Variants in BBC3 observed in about 807,000 individuals in gnomAD.
The protein encoded by BBC3 is bcl-2-binding component 3.
Under a neutral mutation model 18.2 loss-of-function variants are expected in BBC3, and 5 were observed. The ratio of observed to expected loss-of-function variants is 0.27; its 90% CI spans 0.14 to 0.58. The LOEUF (loss-of-function observed/expected upper bound fraction) is 0.58, where lower values mean the gene tolerates loss of function less well. Among genes scored for constraint, BBC3 ranks in the 20% least tolerant of loss-of-function variants. The pLI, the probability that BBC3 is intolerant of heterozygous loss-of-function variation, is 0.91. For synonymous variants in BBC3, 119 were observed against 128.0 expected, an observed-to-expected ratio of 0.93 and a Z score of 0.47; for missense variants, 224 against 268.9, an observed-to-expected ratio of 0.83 and a Z score of 1.17.
At chr19:47,225,206 C>T (rs2058799121) in intron 3 of BBC3, among the ~76,000 whole-genome samples, 1 of 151,410 alleles carries the variant, frequency 6.6e-6, no homozygotes, top group South Asian at 2.1e-4. Flanking sequence ...CCACCACGCC[C>T]GGCCTTAATT....
chr19:47,226,909 A>G, intron 2 of BBC3, 155 bp from the exon 3 acceptor site: 1 of 664,006 alleles, frequency 1.5e-6, no homozygotes. Flanking sequence ...CTCCACAGGC[A>G]CCAGAAAGCA....
intron 3 of BBC3, among the ~76,000 whole-genome samples, chr19:47,223,187 C>T (rs1325820832): frequency 2.6e-5 from 4 of 151,826 alleles, no homozygotes; most frequent in South Asian, 4.1e-4. Context: ...AGGAGAATGG[C>T]GTGAACCCGG....
Position 47,228,584 on chromosome 19 carries a change from G to C in BBC3, c.-15-138C>G, listed in dbSNP as rs971957140. ...GCGGAGGGGGTGACGGCCCCACAGA[G>C]ACACGCCCAGCCGGGGGATGACACC... On this transcript the variant is annotated intron_variant, in intron 1 of 3. Coordinates refer to ENST00000439096, the MANE Select transcript of BBC3 (RefSeq NM_014417.5). The surrounding 1 kb of genome is among the most constrained non-coding windows in gnomAD (Gnocchi z 5.5). The C allele has an allele frequency of 9.0e-6, 8 of 887,386 alleles. No homozygotes were observed. Among genetic ancestry groups the C allele is most frequent in the Non-Finnish European group, 1.0e-5 (7 of 675,866 alleles). The allele number at this position is 887,386 out of a possible 1,614,324, so 55.0% of individuals were successfully genotyped here.
chr19:47,226,613 G>T lies in BBC3; in HGVS notation c.416C>A (p.Ala139Asp). 6.3e-7 allele frequency: 1 copy of T among 1,578,850 alleles called. No homozygotes were observed. Among genetic ancestry groups the T allele is most frequent in the South Asian group, 1.1e-5 (1 of 87,162 alleles). Residue 139 changes from alanine (A) to aspartate (D), a missense_variant, in exon 3 of 4, where the codon GCC (alanine) becomes GAC (aspartate). Ala to Asp is a moderately radical substitution (Grantham distance 126). Transcript: ENST00000439096. Reference sequence around the variant, plus strand: ...GTCGTCCGCCATCCGCCGCAGCTGGGCCCCGATCTCCCGGGCCCACTGTTC... The same window carrying T: ...GTCGTCCGCCATCCGCCGCAGCTGGTCCCCGATCTCCCGGGCCCACTGTTC... ...EEEQWAREIG[A>D]QLRRMADDLN...
At chr19:47,223,211 C>T (rs569443878) in intron 3 of BBC3, among the ~76,000 whole-genome samples, 11 of 151,520 alleles carry the variant, frequency 7.3e-5, no homozygotes, top group African/African-American at 2.4e-4. Context: ...GTGGAGCTTG[C>T]AGTGAGCCGA....
chr19:47,221,618 G>T lies in BBC3; in HGVS notation c.*184C>A, dbSNP rs897165992. 1.6e-6 allele frequency: 2 copies of T among 1,277,752 alleles called. No homozygotes were observed. The highest frequency in any genetic ancestry group is 1.4e-5 in the South Asian group (1 of 71,658). 79.2% of individuals were successfully genotyped at this position (1,277,752 alleles called of 1,614,324 possible). A position where few individuals can be genotyped will look rare whatever the true frequency, so the allele number is the denominator to read the frequency against. On this transcript the variant is annotated 3_prime_UTR_variant, in exon 4 of 4. Transcript: ENST00000439096. The stretch of plus-strand genomic sequence containing the variant: ...CAGGGACCCAGGAGTCCGCATCTCC[G>T]TCAGTGCACCCCAGGCTGGGCTGGG...
chr19:47,224,504 T>C (rs1208964619), intron 3 of BBC3, among the ~76,000 whole-genome samples: 1 of 151,836 alleles, frequency 6.6e-6, no homozygotes, highest in African/African-American at 2.4e-5. Context: ...GATCTGCCTG[T>C]GGTCCCAGCT....
rs1261106208 is a variant in BBC3, at chr19:47,221,577, C to T, written c.*225G>A. On this transcript the variant is annotated 3_prime_UTR_variant, in exon 4 of 4. Coordinates refer to ENST00000439096, the MANE Select transcript of BBC3 (RefSeq NM_014417.5). ...GATGCTGAGTCCATCAGCCGTCCCT[C>T]TCCTGGCTTCTTGGCCAGGGACCCA... 2.3e-5 allele frequency: 21 copies of T among 927,162 alleles called. No homozygotes were observed. Among genetic ancestry groups the T allele is most frequent in the Admixed American group, 1.2e-4 (4 of 32,682 alleles). The allele number at this position is 927,162 out of a possible 1,614,324, so 57.4% of individuals were successfully genotyped here.
Position 47,228,818 on chromosome 19 carries a change from A to G in BBC3, c.-15-372T>C, listed in dbSNP as rs1367027056. On this transcript the variant is annotated intron_variant, in intron 1 of 3. Transcript: ENST00000439096. This position sits in a 1 kb window ranked among gnomAD's most constrained non-coding sequence, Gnocchi z 5.5. ...CTCACAGCATGGGCTGGTGGGGACA[A>G]CTTTCCCAACACAGCGACGGGCACA... 6.6e-6 allele frequency among the ~76,000 whole-genome samples: 1 copy of G among 151,888 alleles called. No individual in the cohort carries two copies. Among genetic ancestry groups the G allele is most frequent in the Non-Finnish European group, 1.5e-5 (1 of 67,950 alleles).
At chr19:47,222,117 G>A (rs1431981752) in intron 3 of BBC3, 199 bp from the exon 4 acceptor site, 8 of 535,786 alleles carry the variant, frequency 1.5e-5, no homozygotes, top group East Asian at 3.2e-5. Context: ...GGACAAACAC[G>A]GAATGCCTTC....
At chr19:47,223,165 G>A (rs1352034358) in intron 3 of BBC3, among the ~76,000 whole-genome samples, 2 of 151,936 alleles carry the variant, frequency 1.3e-5, no homozygotes, top group African/African-American at 4.8e-5. Flanking sequence ...CAGCTACTCC[G>A]GAGGCTGAGG....
upstream of BBC3, among the ~76,000 whole-genome samples, chr19:47,231,749 A>C (rs2058917746): frequency 6.6e-6 from 1 of 152,108 alleles, no homozygotes; most frequent in Non-Finnish European, 1.5e-5. The surrounding 1 kb of genome is among the most constrained non-coding windows in gnomAD (Gnocchi z 4.0). Flanking sequence ...AGACGGACAC[A>C]ATGACAGGGC....
rs1427895911 is a variant in BBC3 at position 47,221,877 on chromosome 19, C to T, written c.507G>A (p.Arg169=). The change falls in exon 4 of 4, where the codon AGG becomes AGA. Residue 169 remains arginine, a synonymous_variant. Coordinates refer to ENST00000439096, the MANE Select transcript of BBC3 (RefSeq NM_014417.5). The part of the protein sequence containing the change: ...EQQRHRPSPW[R]VLYNLIMGLL... ...GTCCCATGATGAGATTGTACAGGAC[C>T]CTCCAGGGTGAGGGGCGGTGCCGCT... The T allele has an allele frequency of 2.5e-6, 4 of 1,611,562 alleles. No individual in the cohort carries two copies. The highest frequency in any genetic ancestry group is 2.7e-5 in the African/African-American group (2 of 74,764).
In BBC3 at chr19:47,226,556, G is replaced by C. The variant is rs753260195; in HGVS notation, c.465+8C>G. On this transcript the variant is annotated splice_region_variant and intron_variant, in intron 3 of 3. Transcript: ENST00000439096. Reference sequence around the variant, plus strand: ...CCACCTGCCGTCTACCCCACCCCCAGCACTCACCCGCCGCTCGTACTGTGC... The same window carrying C: ...CCACCTGCCGTCTACCCCACCCCCACCACTCACCCGCCGCTCGTACTGTGC... The C allele has an allele frequency of 1.3e-6, 2 of 1,544,266 alleles. No individual in the cohort carries two copies. Among genetic ancestry groups the C allele is most frequent in the East Asian group, 2.6e-5 (1 of 37,968 alleles).
chr19:47,231,366 C>T (rs1377663331), upstream of BBC3, among the ~76,000 whole-genome samples: 1 of 151,972 alleles, frequency 6.6e-6, no homozygotes, highest in Non-Finnish European at 1.5e-5. This position sits in a 1 kb window ranked among gnomAD's most constrained non-coding sequence, Gnocchi z 4.0. Context: ...CCCCTACCTC[C>T]GCGCCGGGGG....
chr19:47,231,347 C>T, upstream of BBC3: 1 of 346,274 alleles, frequency 2.9e-6, no homozygotes, highest in Non-Finnish European at 4.1e-6. The surrounding 1 kb of genome is among the most constrained non-coding windows in gnomAD (Gnocchi z 4.0). Context: ...CAGGCGCGCG[C>T]CGCGCCCCCC....
chr19:47,232,079 C>T (rs1348092776), upstream of BBC3, among the ~76,000 whole-genome samples: 1 of 152,234 alleles, frequency 6.6e-6, no homozygotes, highest in African/African-American at 2.4e-5. Context: ...TCGCCCGACA[C>T]GGTGGCTCAT....
chr19:47,223,962 G>A (rs2058780383), intron 3 of BBC3, among the ~76,000 whole-genome samples: 1 of 152,120 alleles, frequency 6.6e-6, no homozygotes, highest in African/African-American at 2.4e-5. Context: ...AAACACAAGA[G>A]CGCACCCGGA....
At position 47,228,467 on chromosome 19, in the gene BBC3, A is replaced by C; in HGVS notation, c.-15-21T>G. The C allele has an allele frequency of 8.1e-7, 1 of 1,231,248 alleles. No homozygotes were observed. Among genetic ancestry groups the C allele is most frequent in the Admixed American group, 4.2e-5 (1 of 23,672 alleles). 76.3% of individuals were successfully genotyped at this position (1,231,248 alleles called of 1,614,324 possible). The stretch of plus-strand genomic sequence containing the variant: ...GGGGCCTGCGGGACACGGGAGGAGG[A>C]GCAGGTCAGCAGGGAAGTACCAGGG... On this transcript the variant is annotated intron_variant, in intron 1 of 3. Transcript: ENST00000439096. This position sits in a 1 kb window ranked among gnomAD's most constrained non-coding sequence, Gnocchi z 5.5.
Sources: allele counts gnomAD v4.1 joint callset (sites outside exome capture counted in the v4.1 genomes callset), GRCh38; gene constraint gnomAD v4.1.1; non-coding constraint Gnocchi (gnomAD v3.1); transcripts MANE v1.5; gene names NCBI Gene and HGNC (gene_info 2026-07-23, HGNC 2026-07-21).